RASL11B: variants seen among roughly 807,000 people sequenced by gnomAD.
The protein encoded by RASL11B is ras-like protein family member 11B.
In RASL11B, 14 loss-of-function variants were observed where a neutral mutation model predicts 22.9. The ratio of observed to expected loss-of-function variants is 0.61; its 90% CI spans 0.40 to 0.96. The LOEUF is 0.96. RASL11B is among the 40% of genes least tolerant of loss of function. RASL11B has a pLI of 0.00. For missense variants in RASL11B, 261 were observed against 322.0 expected, an observed-to-expected ratio of 0.81 and a Z score of 1.45; for synonymous variants, 143 against 130.2, an observed-to-expected ratio of 1.10 and a Z score of -0.67.
intron 2 of RASL11B, 90 bp from the exon 3 acceptor site, chr4:52,864,388 A>C: frequency 3.8e-6 from 3 of 790,598 alleles, no homozygotes; most frequent in Non-Finnish European, 6.6e-6. Flanking sequence ...GCATTTATGC[A>C]TTGTGCATTT....
Position 52,865,659 on chromosome 4 carries a change from G to T in RASL11B, c.601G>T (p.Val201Phe), listed in dbSNP as rs771205830. Reference sequence around the variant, plus strand: ...CGCCTTCCACGTCCTCTGTAAAGAGGTCAGTCACAAACAGCAGCCTAGCAG... The same window carrying T: ...CGCCTTCCACGTCCTCTGTAAAGAGTTCAGTCACAAACAGCAGCCTAGCAG... ...YSAFHVLCKE[V>F]SHKQQPSSTP... The change falls in exon 4 of 4, where the codon GTC (valine) becomes TTC (phenylalanine). Residue 201 changes from valine (V) to phenylalanine (F), a missense_variant. Val to Phe is a conservative substitution (Grantham distance 50). Transcript: ENST00000248706. 8.1e-6 allele frequency: 13 copies of T among 1,614,012 alleles called. No homozygotes were observed. Among genetic ancestry groups the T allele is most frequent in the Non-Finnish European group, 1.0e-5 (12 of 1,180,020 alleles).
At chr4:52,864,910 T>C (rs1163357795) in intron 3 of RASL11B, among the ~76,000 whole-genome samples, 1 of 152,186 alleles carries the variant, frequency 6.6e-6, no homozygotes, top group Admixed American at 6.5e-5. Context: ...TGCAAATACT[T>C]GGAATCGCTT....
rs941281650 is a variant in RASL11B at position 52,862,427 on chromosome 4, G to T, written c.-81G>T. ...TCTTACCGCGGAGCCCCGCAGTCGGGTCCTCCCGCCCGCTCCCGCGCAGCG... is the reference window on the plus strand; with the variant it reads ...TCTTACCGCGGAGCCCCGCAGTCGGTTCCTCCCGCCCGCTCCCGCGCAGCG... On this transcript the variant is annotated 5_prime_UTR_variant, in exon 1 of 4. Transcript: ENST00000248706. 1.5e-5 allele frequency: 22 copies of T among 1,469,218 alleles called. No homozygotes were observed. Among genetic ancestry groups the T allele is most frequent in the Non-Finnish European group, 1.9e-5 (21 of 1,093,274 alleles). The allele number at this position is 1,469,218 out of a possible 1,614,324, so 91.0% of individuals were successfully genotyped here.
Position 52,865,567 on chromosome 4 carries a change from T to C in RASL11B, c.509T>C (p.Leu170Pro). 2 of 1,614,104 alleles carry C rather than the reference T, an allele frequency of 1.2e-6. No homozygotes were observed. Among genetic ancestry groups the C allele is most frequent in the Admixed American group, 1.7e-5 (1 of 60,020 alleles). ...KQVDPQLGLQLASMLGCSFYE... is the reference protein window; with the variant it reads ...KQVDPQLGLQPASMLGCSFYE... ...GTTGACCCTCAGCTTGGACTGCAGCTAGCCAGCATGCTAGGCTGCTCATTC... is the reference window on the plus strand; with the variant it reads ...GTTGACCCTCAGCTTGGACTGCAGCCAGCCAGCATGCTAGGCTGCTCATTC... Residue 170 changes from leucine to proline, a missense_variant, in exon 4 of 4, where the codon CTA becomes CCA. Transcript: ENST00000248706.
rs747351269 is a variant in RASL11B at position 52,862,498 on chromosome 4, A to T, written c.-10A>T. On this transcript the variant is annotated 5_prime_UTR_variant, in exon 1 of 4. Coordinates refer to ENST00000248706, the MANE Select transcript of RASL11B (RefSeq NM_023940.3). ...AGTCCCTTCCCGCGCGGTGCGCCGC[A>T]GCCGAGGCGATGCGCCTCATTCAGA... The T allele has an allele frequency of 1.5e-5, 24 of 1,601,786 alleles. No homozygotes were observed. The highest frequency in any genetic ancestry group is 1.8e-5 in the Non-Finnish European group (21 of 1,175,470).
Position 52,862,449 on chromosome 4 carries a change from A to G in RASL11B, c.-59A>G, listed in dbSNP as rs1304232271. 1.4e-6 allele frequency: 2 copies of G among 1,436,396 alleles called. No homozygotes were observed. The highest frequency in any genetic ancestry group is 6.2e-5 in the East Asian group (2 of 32,134). 89.0% of individuals were successfully genotyped at this position (1,436,396 alleles called of 1,614,324 possible). A position where few individuals can be genotyped will look rare whatever the true frequency, so the allele number is the denominator to read the frequency against. On this transcript the variant is annotated 5_prime_UTR_variant, in exon 1 of 4. Coordinates refer to ENST00000248706, the MANE Select transcript of RASL11B (RefSeq NM_023940.3). Reference sequence around the variant, plus strand: ...CGGGTCCTCCCGCCCGCTCCCGCGCAGCGCTAGCATTCTCCAGTCCCTCAG... The same window carrying G: ...CGGGTCCTCCCGCCCGCTCCCGCGCGGCGCTAGCATTCTCCAGTCCCTCAG...
Position 52,863,318 on chromosome 4 carries a change from A to C in RASL11B, c.193A>C (p.Asn65His). ...TKRFIGDYERNAGNLYTRQVQ... is the reference protein window; with the variant it reads ...TKRFIGDYERHAGNLYTRQVQ... ...ACGATTCATCGGTGACTATGAAAGA[A>C]ATGCAGGTGAGACAATGCATTTGAG... The change falls in exon 2 of 4, where the codon AAT becomes CAT. Residue 65 changes from asparagine to histidine, a missense_variant. Transcript: ENST00000248706. 6.2e-7 allele frequency: 1 copy of C among 1,613,406 alleles called. No individual in the cohort carries two copies. Among genetic ancestry groups the C allele is most frequent in the South Asian group, 1.1e-5 (1 of 90,850 alleles).
rs747291805 is a variant in RASL11B, at chr4:52,865,571, C to A, written c.513C>A (p.Ala171=). ...ACCCTCAGCTTGGACTGCAGCTAGCCAGCATGCTAGGCTGCTCATTCTATG... is the reference window on the plus strand; with the variant it reads ...ACCCTCAGCTTGGACTGCAGCTAGCAAGCATGCTAGGCTGCTCATTCTATG... ...QVDPQLGLQL[A]SMLGCSFYEV... Residue 171 remains alanine (A), a synonymous_variant, in exon 4 of 4, where the codon GCC becomes GCA. Coordinates refer to ENST00000248706, the MANE Select transcript of RASL11B (RefSeq NM_023940.3). The A allele has an allele frequency of 1.9e-6, 3 of 1,614,164 alleles. No individual in the cohort carries two copies. Among genetic ancestry groups the A allele is most frequent in the Non-Finnish European group, 2.5e-6 (3 of 1,180,016 alleles).
rs1718218937 is a variant in RASL11B, at chr4:52,864,308, T to C, written c.200-170T>C. 6.9e-6 allele frequency: 4 copies of C among 580,722 alleles called. No individual in the cohort carries two copies. In the South Asian group the frequency reaches 7.7e-5, roughly 11 times the overall value. The allele number at this position is 580,722 out of a possible 1,614,324, so 36.0% of individuals were successfully genotyped here. On this transcript the variant is annotated intron_variant, in intron 2 of 3. Coordinates refer to ENST00000248706, the MANE Select transcript of RASL11B (RefSeq NM_023940.3). ...TAATAAATCTAACATAGGGTTAAAATTGCTGTTGTTTTTTAAAAAAAATCT... is the reference window on the plus strand; with the variant it reads ...TAATAAATCTAACATAGGGTTAAAACTGCTGTTGTTTTTTAAAAAAAATCT...
At position 52,862,648 on chromosome 4, in the gene RASL11B, C is replaced by T. The variant is rs2109425845; in HGVS notation, c.141C>T (p.Thr47=). 1 of 1,565,934 alleles carries T rather than the reference C, an allele frequency of 6.4e-7. No homozygotes were observed. Among genetic ancestry groups the T allele is most frequent in the East Asian group, 2.3e-5 (1 of 43,358 alleles). The change falls in exon 1 of 4, where the codon ACC becomes ACT. Residue 47 remains threonine (T), a splice_region_variant and synonymous_variant. Coordinates refer to ENST00000248706, the MANE Select transcript of RASL11B (RefSeq NM_023940.3). The stretch of plus-strand genomic sequence containing the variant: ...TGGGCGCCAGCGGCGTGGGCAAGAC[C>T]GGTGAGTCGTCGCGCTTAGCCCTGG... ...AVVGASGVGK[T]ALVVRFLTKR... is the part of the protein sequence containing the mutation.
intron 3 of RASL11B, among the ~76,000 whole-genome samples, chr4:52,864,956 A>T (rs1239409166): frequency 6.6e-6 from 1 of 152,192 alleles, no homozygotes; most frequent in Non-Finnish European, 1.5e-5. Context: ...CAAAAGCGCC[A>T]TGCTAGGGTT....
At chr4:52,864,391 G>T in intron 2 of RASL11B, 87 bp from the exon 3 acceptor site, 1 of 821,218 alleles carries the variant, frequency 1.2e-6, no homozygotes, top group Admixed American at 1.9e-5. Context: ...TTTATGCATT[G>T]TGCATTTTTT....
In RASL11B at chr4:52,862,640, G is replaced by A; in HGVS notation, c.133G>A (p.Gly45Ser). Residue 45 changes from glycine (G) to serine (S), a missense_variant, in exon 1 of 4, where the codon GGC becomes AGC. Gly to Ser is a moderately conservative substitution (Grantham distance 56). Coordinates refer to ENST00000248706, the MANE Select transcript of RASL11B (RefSeq NM_023940.3). ...CGCCGTGGTGGGCGCCAGCGGCGTG[G>A]GCAAGACCGGTGAGTCGTCGCGCTT... is the stretch of plus-strand genomic sequence containing the variant. ...KIAVVGASGV[G>S]KTALVVRFLT... 6.4e-7 allele frequency: 1 copy of A among 1,573,076 alleles called. No homozygotes were observed. The highest frequency in any genetic ancestry group is 8.6e-7 in the Non-Finnish European group (1 of 1,167,864).
rs149879605 is a variant in RASL11B, at chr4:52,866,814, A to G, written c.*1009A>G. Reference sequence around the variant, plus strand: ...ACTGTAATTAATTTATTTTATGTACAATAAATCGCATTTGAAAAAGAGCAG... The same window carrying G: ...ACTGTAATTAATTTATTTTATGTACGATAAATCGCATTTGAAAAAGAGCAG... On this transcript the variant is annotated 3_prime_UTR_variant, in exon 4 of 4. Coordinates refer to ENST00000248706, the MANE Select transcript of RASL11B (RefSeq NM_023940.3). The G allele has an allele frequency of 6.5e-6, 1 of 152,792 alleles. No individual in the cohort carries two copies. The highest frequency in any genetic ancestry group is 6.5e-5 in the Admixed American group (1 of 15,304). 9.5% of individuals were successfully genotyped at this position (152,792 alleles called of 1,614,324 possible).
At chr4:52,865,193 C>G (rs960485782) in intron 3 of RASL11B, 142 bp from the exon 4 acceptor site, 7 of 620,178 alleles carry the variant, frequency 1.1e-5, no homozygotes, top group East Asian at 2.7e-5. Flanking sequence ...GTCAAGAAAG[C>G]TGAAGTGTGT....
intron 1 of RASL11B, among the ~76,000 whole-genome samples, chr4:52,862,959 G>GC (rs3841109): frequency 0.16 from 24,882 of 152,136 alleles, 2,184 homozygotes; most frequent in African/African-American, 0.2. Context: ...AGTGAAGCTA[G>GC]CCCCCCTGGG....
At position 52,865,637 on chromosome 4, in the gene RASL11B, C is replaced by T. The variant is rs903281861; in HGVS notation, c.579C>T (p.Ala193=). ...AAAATTATAATGATGTCTACAGCGC[C>T]TTCCACGTCCTCTGTAAAGAGGTCA... ...VSENYNDVYS[A]FHVLCKEVSH... is the part of the protein sequence containing the mutation. The change falls in exon 4 of 4, where the codon GCC becomes GCT. Residue 193 remains alanine (A), a synonymous_variant. Coordinates refer to ENST00000248706, the MANE Select transcript of RASL11B (RefSeq NM_023940.3). The T allele has an allele frequency of 1.2e-6, 2 of 1,614,072 alleles. No individual in the cohort carries two copies. The highest frequency in any genetic ancestry group is 2.7e-5 in the African/African-American group (2 of 74,926).
Position 52,865,851 on chromosome 4 carries a change from C to T in RASL11B, c.*46C>T, listed in dbSNP as rs1266404540. The T allele has an allele frequency of 2.1e-6, 3 of 1,424,198 alleles. No homozygotes were observed. In the East Asian group the frequency reaches 6.9e-5, roughly 33 times the overall value. The allele number at this position is 1,424,198 out of a possible 1,614,324, so 88.2% of individuals were successfully genotyped here. A position where few individuals can be genotyped will look rare whatever the true frequency, so the allele number is the denominator to read the frequency against. On this transcript the variant is annotated 3_prime_UTR_variant, in exon 4 of 4. Transcript: ENST00000248706. The stretch of plus-strand genomic sequence containing the variant: ...GGGTTTGGTCTTCCCAGGAAGAGGG[C>T]CTGAGGTTCTCCTAGTGCAGGAACG...
intron 2 of RASL11B, 79 bp downstream of exon 2, chr4:52,863,403 G>A: frequency 8.2e-7 from 1 of 1,226,742 alleles, no homozygotes; most frequent in Non-Finnish European, 1.2e-6. Context: ...TTCCCAGGGA[G>A]GTTCTTTCAG....
Sources: gnomAD v4.1 joint callset for allele counts (sites outside exome capture counted in the v4.1 genomes callset) on GRCh38, gnomAD v4.1.1 for gene constraint, MANE v1.5 for transcripts, NCBI Gene and HGNC (gene_info 2026-07-23, HGNC 2026-07-21) for gene names.